Variants in TGS1 observed in about 807,000 individuals in gnomAD.
The protein encoded by TGS1 is trimethylguanosine synthase.
TGS1 carries 69 observed loss-of-function variants against 92.2 expected under a neutral mutation model. The observed-to-expected ratio is 0.75, with a 90% confidence interval of 0.62 to 0.91. The LOEUF is 0.91. Ranked by LOEUF, TGS1 falls within the 40% of genes least tolerant of loss-of-function variation. TGS1 has a pLI of 0.00. For missense variants in TGS1, 1,062 were observed against 1,001.2 expected, an observed-to-expected ratio of 1.06 and a Z score of -0.82; for synonymous variants, 345 against 338.1, an observed-to-expected ratio of 1.02 and a Z score of -0.22.
intron 7 of TGS1, among the ~76,000 whole-genome samples, chr8:55,798,002 G>C (rs79559783): frequency 1.2e-4 from 18 of 152,330 alleles, no homozygotes; most frequent in Non-Finnish European, 2.4e-4. Flanking sequence ...ATCTGAAACA[G>C]ACTGCCTAGT....
intron 2 of TGS1, among the ~76,000 whole-genome samples, chr8:55,784,116 A>G (rs1280710954): frequency 6.6e-6 from 1 of 152,204 alleles, no homozygotes; most frequent in Non-Finnish European, 1.5e-5. Context: ...GCCTGAGACC[A>G]TCAAGCTGGA....
chr8:55,815,117 T>C (rs1474913824), intron 12 of TGS1, among the ~76,000 whole-genome samples: 1 of 152,230 alleles, frequency 6.6e-6, no homozygotes, highest in East Asian at 1.9e-4. Flanking sequence ...AATTCACTGT[T>C]TATCATGCAA....
In TGS1 at chr8:55,805,054, G is replaced by A; in HGVS notation, c.2143+18G>A. The A allele has an allele frequency of 6.2e-7, 1 of 1,611,052 alleles. No homozygotes were observed. Among genetic ancestry groups the A allele is most frequent in the South Asian group, 1.1e-5 (1 of 90,654 alleles). On this transcript the variant is annotated intron_variant, in intron 10 of 12. Coordinates refer to ENST00000260129, the MANE Select transcript of TGS1 (RefSeq NM_024831.8). The stretch of plus-strand genomic sequence containing the variant: ...AATGAGAGGTAATTAGCCATCAATG[G>A]AAGTGAACTATTTTATGTCCAGTTA...
chr8:55,781,107 TAGAG>T (rs1811548492), intron 1 of TGS1, among the ~76,000 whole-genome samples: 1 of 152,214 alleles, frequency 6.6e-6, no homozygotes, highest in Non-Finnish European at 1.5e-5. Flanking sequence ...GCCCTCTTAG[TAGAG>T]AGAGTTGAGC....
At chr8:55,821,915 A>AT (rs930606963) in intron 12 of TGS1, among the ~76,000 whole-genome samples, 24 of 142,110 alleles carry the variant, frequency 1.7e-4, no homozygotes, top group African/African-American at 2.8e-4. Context: ...TAGTACCTTT[A>AT]TTTTTTTTTT....
chr8:55,781,904 G>A (rs1320964804), intron 1 of TGS1, among the ~76,000 whole-genome samples: 1 of 152,168 alleles, frequency 6.6e-6, no homozygotes. Context: ...ATTAAAAGCA[G>A]AGTCTTCCAC....
chr8:55,816,088 G>A (rs2130245474), intron 12 of TGS1, among the ~76,000 whole-genome samples: 1 of 152,064 alleles, frequency 6.6e-6, no homozygotes, highest in South Asian at 2.1e-4. Flanking sequence ...TAAAGTGCTG[G>A]GATCTCAAAT....
chr8:55,788,614 T>C (rs1811786736), intron 4 of TGS1, among the ~76,000 whole-genome samples: 2 of 151,918 alleles, frequency 1.3e-5, no homozygotes, highest in African/African-American at 4.8e-5. Context: ...TGCCACCACA[T>C]ACAGTTAATT....
chr8:55,791,951 A>T (rs990703537), intron 5 of TGS1, among the ~76,000 whole-genome samples: 5 of 152,098 alleles, frequency 3.3e-5, no homozygotes, highest in Admixed American at 2.0e-4. Flanking sequence ...CTTTGACTGG[A>T]TATGGGGTGC....
intron 12 of TGS1, among the ~76,000 whole-genome samples, chr8:55,820,622 TTCATTGTGA>T (rs1319444622): frequency 6.6e-6 from 1 of 152,220 alleles, no homozygotes; most frequent in Non-Finnish European, 1.5e-5. Context: ...CTTTAACACC[TTCATTGTGA>T]TCTTTTCTGT....
rs144671850 is a variant in TGS1 at position 55,785,874 on chromosome 8, G to A, written c.322G>A (p.Ala108Thr). ...GLPLQFGRIT[A>T]HKDFEVSMNT... is the part of the protein sequence containing the mutation. Reference sequence around the variant, plus strand: ...GCCACTTCAATTTGGTAGGATAACTGCACATAAGGATTTTGAGGTAAATAT... The same window carrying A: ...GCCACTTCAATTTGGTAGGATAACTACACATAAGGATTTTGAGGTAAATAT... Residue 108 changes from alanine to threonine, a missense_variant, in exon 3 of 13, where the codon GCA becomes ACA. Coordinates refer to ENST00000260129, the MANE Select transcript of TGS1 (RefSeq NM_024831.8). The A allele has an allele frequency of 1.4e-5, 23 of 1,599,670 alleles. No homozygotes were observed. The highest frequency in any genetic ancestry group is 1.7e-5 in the Non-Finnish European group (20 of 1,175,678).
chr8:55,776,743 G>C (rs1175661988), intron 1 of TGS1, among the ~76,000 whole-genome samples: 2 of 152,006 alleles, frequency 1.3e-5, no homozygotes, highest in African/African-American at 4.8e-5. Context: ...TATGAGGGGT[G>C]GTCTCCTCCC....
In TGS1 at chr8:55,824,623, C is replaced by T; in HGVS notation, c.2482C>T (p.Gln828Ter). The change falls in exon 13 of 13, where the codon CAG becomes TAG. Residue 828 changes from glutamine (Q) to a stop codon, truncating the protein, a stop_gained. Coordinates refer to ENST00000260129, the MANE Select transcript of TGS1 (RefSeq NM_024831.8). LOFTEE classifies it high-confidence loss of function. ...GCCTGGAGGGCAAGTGGAAATAGAA[C>T]AGAACTTCCTTAACAACAAATTGAA... The part of the protein sequence containing the change: ...AGPGGQVEIE[Q>*]NFLNNKLKTI... 6.2e-7 allele frequency: 1 copy of T among 1,614,190 alleles called. No individual in the cohort carries two copies. The highest frequency in any genetic ancestry group is 8.5e-7 in the Non-Finnish European group (1 of 1,180,030).
intron 12 of TGS1, among the ~76,000 whole-genome samples, chr8:55,815,033 C>A (rs939563993): frequency 6.6e-6 from 1 of 152,016 alleles, no homozygotes; most frequent in Non-Finnish European, 1.5e-5. Context: ...TGCTCTACAT[C>A]GTCTCATCAG....
At chr8:55,814,922 T>C (rs2130241713) in intron 12 of TGS1, among the ~76,000 whole-genome samples, 1 of 151,924 alleles carries the variant, frequency 6.6e-6, no homozygotes, top group East Asian at 1.9e-4. Flanking sequence ...CCAGGTATTT[T>C]ATATCTACTT....
At chr8:55,782,898 A>G (rs1269266099) in intron 2 of TGS1, 86 bp downstream of exon 2, 1 of 857,928 alleles carries the variant, frequency 1.2e-6, no homozygotes, top group East Asian at 2.8e-5. Flanking sequence ...ATAATATTGT[A>G]TTGATTTGTT....
At chr8:55,808,371 T>A (rs920655251) in intron 10 of TGS1, among the ~76,000 whole-genome samples, 2 of 152,212 alleles carry the variant, frequency 1.3e-5, no homozygotes, top group African/African-American at 4.8e-5. Context: ...TTGTAAAATG[T>A]ATCTTCATTT....
intron 12 of TGS1, among the ~76,000 whole-genome samples, chr8:55,820,549 A>G (rs548764096): frequency 6.6e-6 from 1 of 152,230 alleles, no homozygotes; most frequent in Non-Finnish European, 1.5e-5. Context: ...AAAACAAAAC[A>G]AAACAAAAAA....
intron 12 of TGS1, among the ~76,000 whole-genome samples, chr8:55,814,738 G>A (rs1259657646): frequency 4.7e-5 from 7 of 147,458 alleles, no homozygotes; most frequent in Admixed American, 3.4e-4. Flanking sequence ...GCATGGTGGC[G>A]GCGTGCCTGT....
Sources: allele counts gnomAD v4.1 joint callset (sites outside exome capture counted in the v4.1 genomes callset), GRCh38; gene constraint gnomAD v4.1.1; transcripts MANE v1.5; gene names NCBI Gene and HGNC (gene_info 2026-07-23, HGNC 2026-07-21).